Variants in MAOA observed in about 807,000 individuals in gnomAD.
MAOA encodes the protein monoamine oxidase A.
A neutral mutation model predicts 42.0 loss-of-function variants in MAOA; 6 were observed. The observed-to-expected ratio is 0.14, with a 90% CI of 0.08 to 0.28. The LOEUF (loss-of-function observed/expected upper bound fraction) is 0.28. Ranked by LOEUF, MAOA falls within the 10% of genes least tolerant of loss-of-function variation. The probability of loss-of-function intolerance (pLI) is 1.00; values close to 1 mark genes in which losing one functional copy is unlikely to be tolerated. For missense variants in MAOA, 262 were observed against 422.3 expected, an observed-to-expected ratio of 0.62 and a Z score of 3.33; for synonymous variants, 140 against 154.0, an observed-to-expected ratio of 0.91 and a Z score of 0.67.
chrX:43,720,006 G>A (rs1330360476), intron 5 of MAOA, among the ~76,000 whole-genome samples: 1 of 110,644 alleles, frequency 9.0e-6, no homozygotes, highest in Non-Finnish European at 1.9e-5. Context: ...AGATAGTTCT[G>A]TGTAGGGGTA....
At chrX:43,708,561 A>G (rs1004190737) in intron 3 of MAOA, among the ~76,000 whole-genome samples, 2 of 111,687 alleles carry the variant, frequency 1.8e-5, no homozygotes, top group Non-Finnish European at 3.8e-5. Context: ...CTGTGAAACG[A>G]GAACAGAGAA....
At chrX:43,726,989 G>T (rs1187146716) in intron 5 of MAOA, among the ~76,000 whole-genome samples, 2 of 111,706 alleles carry the variant, frequency 1.8e-5, no homozygotes, top group South Asian at 7.5e-4. Flanking sequence ...GTTTGCTGGG[G>T]TATCACCAGC....
At chrX:43,732,951 G>A (rs1347122034) in intron 9 of MAOA, among the ~76,000 whole-genome samples, 156 bp downstream of exon 9, 5 of 112,339 alleles carry the variant, frequency 4.5e-5, no homozygotes, top group African/African-American at 1.6e-4. Context: ...TTGCAGTAAT[G>A]TTTCGTATGT....
At chrX:43,689,153 C>T (rs961210451) in intron 2 of MAOA, among the ~76,000 whole-genome samples, 40 of 110,787 alleles carry the variant, frequency 3.6e-4, no homozygotes, top group Non-Finnish European at 6.0e-4. Context: ...AATCTCAGCT[C>T]GCTGCAACCT....
At position 43,677,167 on chromosome X, in the gene MAOA, G is replaced by A. The variant is rs891222530; in HGVS notation, c.74-6346G>A. The stretch of plus-strand genomic sequence containing the variant: ...AAGCTAGGTTCCAAAGTGACAGTAT[G>A]CCTGAGATTTATGCCCTGGGAAGCA... On this transcript the variant is annotated intron_variant, in intron 1 of 14. Coordinates refer to ENST00000338702, the MANE Select transcript of MAOA (RefSeq NM_000240.4). Among the ~76,000 whole-genome samples, 4 of 111,863 alleles carry A rather than the reference G, an allele frequency of 3.6e-5. No homozygotes were observed. In the Admixed American group the frequency reaches 3.8e-4, roughly 11 times the overall value.
intron 5 of MAOA, among the ~76,000 whole-genome samples, chrX:43,723,464 G>A (rs1230061570): frequency 9.0e-6 from 1 of 111,575 alleles, no homozygotes; most frequent in African/African-American, 3.3e-5. Flanking sequence ...GTGAATAGGA[G>A]TTCACTCATG....
intron 10 of MAOA, among the ~76,000 whole-genome samples, chrX:43,737,903 C>A (rs1211144629): frequency 2.7e-5 from 3 of 111,614 alleles, no homozygotes; most frequent in African/African-American, 9.8e-5. Context: ...AAAATAAATA[C>A]CAGCCTGTAG....
At chrX:43,668,898 A>C (rs984938116) in intron 1 of MAOA, among the ~76,000 whole-genome samples, 2 of 111,959 alleles carry the variant, frequency 1.8e-5, no homozygotes, top group Non-Finnish European at 3.8e-5. Context: ...TTGTAGATTT[A>C]TTTGGAGGAA....
chrX:43,732,158 A>G (rs2033886988), intron 8 of MAOA, among the ~76,000 whole-genome samples: 2 of 111,606 alleles, frequency 1.8e-5, no homozygotes, highest in African/African-American at 6.5e-5. Context: ...GCACCATGGA[A>G]AGAGCACTGC....
chrX:43,660,892 G>A (rs780251375), intron 1 of MAOA, among the ~76,000 whole-genome samples: 2 of 111,687 alleles, frequency 1.8e-5, no homozygotes, highest in Non-Finnish European at 3.8e-5. Context: ...TTCTGAAATG[G>A]TTCTCTTTAG....
chrX:43,692,035 A>ACACACACG lies in MAOA; in HGVS notation c.169-1253_169-1252insACACGCAC, dbSNP rs1555945526. On this transcript the variant is annotated intron_variant, in intron 2 of 14. Coordinates refer to ENST00000338702, the MANE Select transcript of MAOA (RefSeq NM_000240.4). ...CACACACACACACACACACACACAC[A>ACACACACG]CACGCACGCACACATCTTTAAAGCA... 2.3e-4 allele frequency among the ~76,000 whole-genome samples: 21 copies of ACACACACG among 90,002 alleles called. 1 individual carries two copies. The highest frequency in any genetic ancestry group is 1.7e-3 in the Admixed American group (14 of 8,324). 78.2% of individuals were successfully genotyped at this position (90,002 alleles called of 115,157 possible).
chrX:43,667,075 T>C (rs755651449), intron 1 of MAOA, among the ~76,000 whole-genome samples: 27 of 109,719 alleles, frequency 2.5e-4, no homozygotes, highest in African/African-American at 6.0e-4. Context: ...ACCAACCTGG[T>C]GCATGTATAC....
intron 3 of MAOA, among the ~76,000 whole-genome samples, chrX:43,697,375 G>A (rs757614750): frequency 5.4e-5 from 6 of 111,400 alleles, no homozygotes; most frequent in Non-Finnish European, 7.5e-5. Context: ...CTTTTGACCC[G>A]GAAGCCTGAA....
rs757178811 is a variant in MAOA, at chrX:43,725,766, T to C, written c.504-2407T>C. Among the ~76,000 whole-genome samples the C allele has an allele frequency of 1.6e-3, 181 of 112,119 alleles. 1 individual carries two copies. Among genetic ancestry groups the C allele is most frequent in the African/African-American group, 5.8e-3 (179 of 30,864 alleles). ...TAGTTGATGCAGTTTCTTCATAGCA[T>C]CAATGGTCTTTACAATTTGGCATGT... On this transcript the variant is annotated intron_variant, in intron 5 of 14. Transcript: ENST00000338702.
chrX:43,655,263 C>T (rs1348587533), upstream of MAOA: 2 of 112,913 alleles, frequency 1.8e-5, no homozygotes, highest in African/African-American at 6.5e-5. Context: ...GGTCCCGAAC[C>T]CGGACTCCAG....
chrX:43,713,007 G>T (rs2033711637), intron 5 of MAOA, among the ~76,000 whole-genome samples: 1 of 112,300 alleles, frequency 8.9e-6, no homozygotes, highest in Admixed American at 9.5e-5. Flanking sequence ...GAATGAAGTA[G>T]AACTTCTTTT....
At position 43,742,027 on chromosome X, in the gene MAOA, G is replaced by A. The variant is rs774182469; in HGVS notation, c.1242G>A (p.Gly414=). The part of the protein sequence containing the change: ...GGCYTAYFPP[G]IMTQYGRVIR... ...GCTACACGGCCTACTTCCCTCCTGG[G>A]ATCATGACTCAATATGGAAGGTATT... Residue 414 remains glycine (G), a synonymous_variant, in exon 12 of 15, where the codon GGG becomes GGA. Coordinates refer to ENST00000338702, the MANE Select transcript of MAOA (RefSeq NM_000240.4). 4.1e-6 allele frequency: 5 copies of A among 1,211,445 alleles called. No homozygotes were observed. The highest frequency in any genetic ancestry group is 5.6e-6 in the Non-Finnish European group (5 of 895,474).
intron 1 of MAOA, among the ~76,000 whole-genome samples, chrX:43,673,520 T>C (rs1258176927): frequency 9.1e-6 from 1 of 109,369 alleles, no homozygotes; most frequent in Non-Finnish European, 1.9e-5. Context: ...CTTTTCTAGT[T>C]CTTTTAATTG....
At chrX:43,669,309 T>A (rs1204108396) in intron 1 of MAOA, among the ~76,000 whole-genome samples, 1 of 108,639 alleles carries the variant, frequency 9.2e-6, no homozygotes, top group African/African-American at 3.4e-5. Context: ...TCCCAGCTAC[T>A]TGGGAGGCTG....
Sources: allele counts gnomAD v4.1 joint callset (sites outside exome capture counted in the v4.1 genomes callset), GRCh38; gene constraint gnomAD v4.1.1; transcripts MANE v1.5; gene names NCBI Gene and HGNC (gene_info 2026-07-23, HGNC 2026-07-21).